The following ARHGEF10 variants were observed in gnomAD, a reference collection of about 807,000 sequenced individuals.
The protein encoded by ARHGEF10 is Rho guanine nucleotide exchange factor (GEF) 10.
Under a neutral mutation model 147.4 loss-of-function variants are expected in ARHGEF10, and 140 were observed. The ratio of observed to expected loss-of-function variants is 0.95; its 90% confidence interval spans 0.83 to 1.09. The LOEUF is 1.09. Among genes scored for constraint, ARHGEF10 ranks in the 50% least tolerant of loss-of-function variants. ARHGEF10 has a pLI of 0.00. For synonymous variants in ARHGEF10, 902 were observed against 695.8 expected (o/e 1.30, Z -4.67); for missense variants, 2,222 against 1,752.7 (o/e 1.27, Z -4.78).
intron 18 of ARHGEF10, among the ~76,000 whole-genome samples, chr8:1,912,498 C>T (rs938584586): frequency 6.6e-6 from 1 of 151,956 alleles, no homozygotes; most frequent in Non-Finnish European, 1.5e-5. Context: ...CAGTAGGGAG[C>T]TCCCCATCCC....
At position 1,830,634 on chromosome 8, in the gene ARHGEF10, G is replaced by C. The variant is rs568002364; in HGVS notation, c.-48+6521G>C. ...AGTACTAAGTGCTCTCACGCCCCAA[G>C]GCAGGGTGTGAACCGCAGAGACCAT... On this transcript the variant is annotated intron_variant, in intron 1 of 28. Transcript: ENST00000349830. Among the ~76,000 whole-genome samples, 583 of 152,372 alleles carry C rather than the reference G, an allele frequency of 3.8e-3. 6 individuals carry two copies. Among genetic ancestry groups the C allele is most frequent in the Non-Finnish European group, 4.4e-3 (300 of 68,040 alleles).
chr8:1,858,070 C>G lies in ARHGEF10; in HGVS notation c.148C>G (p.Pro50Ala). The change falls in exon 3 of 29, where the codon CCT becomes GCT. Residue 50 changes from proline (P) to alanine (A), a missense_variant. Transcript: ENST00000349830. ...AGCGGACAGACAGGCCCCATCCGCCCCTGAGACAGGAGGTGCTGGAGCCAG... is the reference window on the plus strand; with the variant it reads ...AGCGGACAGACAGGCCCCATCCGCCGCTGAGACAGGAGGTGCTGGAGCCAG... ...PEADRQAPSA[P>A]ETGGAGASEA... 6.2e-7 allele frequency: 1 copy of G among 1,613,644 alleles called. No individual in the cohort carries two copies. Among genetic ancestry groups the G allele is most frequent in the Non-Finnish European group, 8.5e-7 (1 of 1,179,912 alleles).
At position 1,858,127 on chromosome 8, in the gene ARHGEF10, G is replaced by T; in HGVS notation, c.193+12G>T. On this transcript the variant is annotated intron_variant, in intron 3 of 28. Coordinates refer to ENST00000349830, the MANE Select transcript of ARHGEF10 (RefSeq NM_014629.4). ...CCCTGCACCCACAGGTGAGTTTCCA[G>T]GAGGGTCCCCAGGTGAGTCCCCAGG... is the stretch of plus-strand genomic sequence containing the variant. 6.2e-7 allele frequency: 1 copy of T among 1,612,252 alleles called. No homozygotes were observed. The highest frequency in any genetic ancestry group is 8.5e-7 in the Non-Finnish European group (1 of 1,179,066).
chr8:1,851,262 C>T (rs1193378767), intron 2 of ARHGEF10, among the ~76,000 whole-genome samples: 2 of 150,932 alleles, frequency 1.3e-5, no homozygotes, highest in South Asian at 2.1e-4. Flanking sequence ...TCACGCACAC[C>T]GTGGGCTTTA....
chr8:1,837,434 A>G (rs1803652704), intron 1 of ARHGEF10, among the ~76,000 whole-genome samples: 1 of 152,260 alleles, frequency 6.6e-6, no homozygotes, highest in South Asian at 2.1e-4. Context: ...TAAGATTATC[A>G]GTGGAAAAAT....
intron 1 of ARHGEF10, among the ~76,000 whole-genome samples, chr8:1,829,807 G>C (rs1000017105): frequency 1.3e-5 from 2 of 152,240 alleles, no homozygotes; most frequent in Non-Finnish European, 2.9e-5. Context: ...GGGGTCTGCG[G>C]AGGAAGAACG....
intron 4 of ARHGEF10, among the ~76,000 whole-genome samples, chr8:1,863,743 T>C (rs962918187): frequency 6.6e-6 from 1 of 151,968 alleles, no homozygotes; most frequent in Admixed American, 6.6e-5. Context: ...GTGTGGAATG[T>C]TTGGGAAACC....
intron 26 of ARHGEF10, among the ~76,000 whole-genome samples, chr8:1,938,660 G>A (rs369497477): frequency 1.3e-4 from 20 of 152,316 alleles, no homozygotes; most frequent in African/African-American, 4.6e-4. Context: ...GCCTAAGCGG[G>A]CACGGTGGCT....
intron 1 of ARHGEF10, among the ~76,000 whole-genome samples, chr8:1,841,135 C>A (rs1366556029): frequency 1.3e-5 from 2 of 152,366 alleles, no homozygotes; most frequent in African/African-American, 2.4e-5. Flanking sequence ...CAGCCAGCTG[C>A]CCTCTGCTGT....
At chr8:1,864,515 G>A (rs1806420454) in intron 5 of ARHGEF10, 79 bp downstream of exon 5, 5 of 1,431,474 alleles carry the variant, frequency 3.5e-6, no homozygotes, top group Non-Finnish European at 4.9e-6. Context: ...CCTGGTGTGT[G>A]TCCCTGCCCG....
chr8:1,859,834 G>C, intron 3 of ARHGEF10, 63 bp from the exon 4 acceptor site: 2 of 1,581,292 alleles, frequency 1.3e-6, no homozygotes, highest in Non-Finnish European at 1.7e-6. Flanking sequence ...TTGCGCTCCA[G>C]GAGGGCATGC....
chr8:1,870,846 C>G (rs988968632), intron 7 of ARHGEF10: 6 of 152,188 alleles, frequency 3.9e-5, no homozygotes, highest in African/African-American at 1.4e-4. Context: ...GGCACGGTCG[C>G]TCACGCCTGT....
chr8:1,880,229 C>G (rs1474620294), intron 9 of ARHGEF10, 65 bp downstream of exon 9: 3 of 1,117,410 alleles, frequency 2.7e-6, no homozygotes, highest in East Asian at 4.7e-5. Context: ...AACCGCGCGG[C>G]TCGGTCGGTC....
chr8:1,869,408 G>A (rs1462051235), intron 7 of ARHGEF10, 158 bp downstream of exon 7: 1 of 731,190 alleles, frequency 1.4e-6, no homozygotes, highest in Non-Finnish European at 2.5e-6. Context: ...TGGAATATTG[G>A]TGTTTGTGCA....
In ARHGEF10 at chr8:1,882,636, T is replaced by G. The variant is rs199514264; in HGVS notation, c.962T>G (p.Met321Arg). The G allele has an allele frequency of 1.1e-5, 17 of 1,552,722 alleles. No individual in the cohort carries two copies. The highest frequency in any genetic ancestry group is 1.7e-4 in the Middle Eastern group (1 of 6,016). Residue 321 changes from methionine to arginine, a missense_variant and splice_region_variant, in exon 10 of 29, where the codon ATG (methionine) becomes AGG (arginine). Coordinates refer to ENST00000349830, the MANE Select transcript of ARHGEF10 (RefSeq NM_014629.4). ...CTCACATCTCCCTCTCCGTCGCAGA[T>G]GCAGAAGCTCGTGAAGGCCGCGAAG... ...QQLRQKHELKMQKLVKAAKDG... is the reference protein window; with the variant it reads ...QQLRQKHELKRQKLVKAAKDG...
At chr8:1,845,617 A>C (rs561449206) in intron 2 of ARHGEF10, among the ~76,000 whole-genome samples, 148 of 152,334 alleles carry the variant, frequency 9.7e-4, no homozygotes, top group Middle Eastern at 3.4e-3. Context: ...TCTGTTTCAA[A>C]GAAGGCGGAA....
chr8:1,932,161 C>G (rs1275804200), intron 25 of ARHGEF10, among the ~76,000 whole-genome samples: 2 of 152,196 alleles, frequency 1.3e-5, no homozygotes, highest in Non-Finnish European at 2.9e-5. Flanking sequence ...AATTGTAGCT[C>G]TGCCCTGAGC....
intron 26 of ARHGEF10, 51 bp downstream of exon 26, chr8:1,933,993 A>G: frequency 1.2e-6 from 2 of 1,612,784 alleles, no homozygotes; most frequent in Non-Finnish European, 1.7e-6. Flanking sequence ...TTTCAGAAAC[A>G]GCTCAGCTGA....
chr8:1,885,550 T>C (rs1419235869), intron 10 of ARHGEF10, 51 bp from the exon 11 acceptor site: 1 of 1,311,732 alleles, frequency 7.6e-7, no homozygotes, highest in South Asian at 1.2e-5. Flanking sequence ...TGTAGTGTTG[T>C]GAATATATTA....
Sources: allele counts gnomAD v4.1 joint callset (sites outside exome capture counted in the v4.1 genomes callset), GRCh38; gene constraint gnomAD v4.1.1; transcripts MANE v1.5; gene names NCBI Gene and HGNC (gene_info 2026-07-23, HGNC 2026-07-21).